Variants in HERC4 observed in about 807,000 individuals in gnomAD.
The protein encoded by HERC4 is probable E3 ubiquitin-protein ligase HERC4.
Under a neutral mutation model 124.3 loss-of-function variants are expected in HERC4, and 28 were observed. The observed-to-expected ratio is 0.23, with a 90% CI of 0.17 to 0.31. The LOEUF (loss-of-function observed/expected upper bound fraction) is 0.31. HERC4 is among the 10% of genes least tolerant of loss of function. HERC4 has a pLI of 1.00. For missense variants in HERC4, 713 were observed against 1,229.3 expected, an observed-to-expected ratio of 0.58 and a Z score of 6.28; for synonymous variants, 407 against 421.5, an observed-to-expected ratio of 0.97 and a Z score of 0.42.
chr10:68,005,222 T>G (rs1403885861), intron 9 of HERC4, among the ~76,000 whole-genome samples: 1 of 152,236 alleles, frequency 6.6e-6, no homozygotes. Flanking sequence ...GGTTTTCTAG[T>G]GTTGGGTGCA....
At chr10:68,056,867 GA>G (rs1170862751) in intron 3 of HERC4, among the ~76,000 whole-genome samples, 2 of 152,132 alleles carry the variant, frequency 1.3e-5, no homozygotes, top group African/African-American at 4.8e-5. Context: ...CAGTCACTGA[GA>G]AAAATAACCA....
At chr10:67,927,399 TATATATATATATATATATATATATATATA>T (rs2031143428) in intron 23 of HERC4, among the ~76,000 whole-genome samples, 8 of 7,812 alleles carry the variant, frequency 1.0e-3, no homozygotes, top group Admixed American at 2.8e-3. Context: ...TATATATATA[TATATATATATATATATATATATATATATA>T]TATTTTTTTT....
chr10:67,955,233 C>A (rs557500675), intron 17 of HERC4, 103 bp from the exon 18 acceptor site: 2 of 966,228 alleles, frequency 2.1e-6, no homozygotes, highest in South Asian at 3.1e-5. Flanking sequence ...TTCTATAATT[C>A]CTATGCTACT....
At position 67,979,947 on chromosome 10, in the gene HERC4, G is replaced by GA. The variant is rs944839471; in HGVS notation, c.1806+8715dup. Among the ~76,000 whole-genome samples the GA allele has an allele frequency of 1.3e-4, 19 of 148,562 alleles. No individual in the cohort carries two copies. The South Asian group carries it at 2.0e-3, about 15-fold the overall frequency. On this transcript the variant is annotated intron_variant, in intron 15 of 24. Coordinates refer to ENST00000373700, the MANE Select transcript of HERC4 (RefSeq NM_015601.4). ...GCAAGACTCCATCTCAAAAAAAAAA[G>GA]AAAAAAAAACCTGTCTGAGAAAAAA...
At chr10:68,026,349 G>C (rs999600135) in intron 7 of HERC4, among the ~76,000 whole-genome samples, 1 of 152,048 alleles carries the variant, frequency 6.6e-6, no homozygotes, top group Admixed American at 6.6e-5. Context: ...TCTTGCCTTG[G>C]CTTCCCGAAG....
intron 19 of HERC4, among the ~76,000 whole-genome samples, chr10:67,943,121 C>T (rs184467000): frequency 6.6e-6 from 1 of 152,142 alleles, no homozygotes; most frequent in African/African-American, 2.4e-5. Flanking sequence ...TACAACCCAG[C>T]CTGTTACATG....
At chr10:67,942,985 T>A (rs1320670795) in intron 19 of HERC4, among the ~76,000 whole-genome samples, 1 of 152,228 alleles carries the variant, frequency 6.6e-6, no homozygotes, top group Non-Finnish European at 1.5e-5. Flanking sequence ...GAGATACATA[T>A]GTGCTCATGA....
At chr10:67,949,198 C>T (rs1392825259) in intron 19 of HERC4, among the ~76,000 whole-genome samples, 6 of 151,284 alleles carry the variant, frequency 4.0e-5, no homozygotes, top group Non-Finnish European at 8.8e-5. Flanking sequence ...GCAGGAGAAT[C>T]GCTTGAACCC....
At chr10:68,031,630 G>T (rs2039208772) in intron 7 of HERC4, among the ~76,000 whole-genome samples, 1 of 152,218 alleles carries the variant, frequency 6.6e-6, no homozygotes, top group Non-Finnish European at 1.5e-5. Context: ...TTCATAATTG[G>T]TCATTATATT....
chr10:68,011,174 T>G (rs759320638), intron 9 of HERC4, among the ~76,000 whole-genome samples: 2 of 152,180 alleles, frequency 1.3e-5, no homozygotes, highest in Non-Finnish European at 2.9e-5. Context: ...AGCAATCCTC[T>G]TGCCTAAACC....
At chr10:68,033,626 A>C (rs1441869702) in intron 6 of HERC4, among the ~76,000 whole-genome samples, 1 of 152,334 alleles carries the variant, frequency 6.6e-6, no homozygotes, top group East Asian at 1.9e-4. Context: ...TCAAAGATTA[A>C]CACTTCATGT....
intron 3 of HERC4, among the ~76,000 whole-genome samples, chr10:68,064,523 C>T (rs2041199057): frequency 7.6e-6 from 1 of 131,248 alleles, no homozygotes; most frequent in African/African-American, 3.0e-5. Context: ...CACTGCACTC[C>T]AGCCTAGACA....
chr10:67,930,292 C>G (rs1190377035), intron 23 of HERC4, among the ~76,000 whole-genome samples: 1 of 152,050 alleles, frequency 6.6e-6, no homozygotes. Context: ...GTATCTTAAC[C>G]ATTTTAAGTG....
chr10:67,927,430 A>ATATATATTTTTTTT (rs1564911511), intron 23 of HERC4, among the ~76,000 whole-genome samples: 1 of 37,922 alleles, frequency 2.6e-5, no homozygotes, highest in African/African-American at 5.8e-5. Flanking sequence ...ATATATATAT[A>ATATATATTTTTTTT]TTTTTTTTTT....
intron 3 of HERC4, among the ~76,000 whole-genome samples, chr10:68,050,844 T>C (rs1403137084): frequency 6.6e-6 from 1 of 151,918 alleles, no homozygotes; most frequent in Admixed American, 6.6e-5. Context: ...CAAGCAAGAA[T>C]GAAGAGAAAT....
intron 9 of HERC4, chr10:68,010,144 G>C: frequency 1.1e-6 from 1 of 886,532 alleles, no homozygotes; most frequent in Non-Finnish European, 1.8e-6. Context: ...ACAAACTCCG[G>C]GTTCTCTTTC....
chr10:68,009,943 T>TC (rs1009483925), intron 9 of HERC4, among the ~76,000 whole-genome samples: 5 of 152,152 alleles, frequency 3.3e-5, no homozygotes, highest in African/African-American at 9.7e-5. Flanking sequence ...TTCTTTTTTT[T>TC]CTCTCTACCT....
chr10:67,995,714 T>C (rs2132844563), intron 9 of HERC4, among the ~76,000 whole-genome samples: 1 of 152,362 alleles, frequency 6.6e-6, no homozygotes, highest in East Asian at 1.9e-4. Context: ...AACAAATTTA[T>C]CTAATTCTTT....
chr10:68,062,709 G>A (rs1465363807), intron 3 of HERC4, among the ~76,000 whole-genome samples: 1 of 151,982 alleles, frequency 6.6e-6, no homozygotes, highest in Non-Finnish European at 1.5e-5. Flanking sequence ...GCAGTGAGCT[G>A]GGATCGCACC....
Sources: allele counts gnomAD v4.1 joint callset (sites outside exome capture counted in the v4.1 genomes callset), GRCh38; gene constraint gnomAD v4.1.1; transcripts MANE v1.5; gene names NCBI Gene and HGNC (gene_info 2026-07-23, HGNC 2026-07-21).